Variants in PATJ observed in about 807,000 individuals in gnomAD.
PATJ encodes the protein PATJ crumbs cell polarity complex component.
PATJ carries 190 observed loss-of-function variants against 224.9 expected under a neutral mutation model. The ratio of observed to expected loss-of-function variants is 0.84; its 90% CI spans 0.75 to 0.95. PATJ has a LOEUF of 0.95. Ranked by LOEUF, PATJ falls within the 40% of genes least tolerant of loss-of-function variation. The pLI, the probability that PATJ is intolerant of heterozygous loss-of-function variation, is 0.00. For synonymous variants in PATJ, 769 were observed against 820.3 expected, an observed-to-expected ratio of 0.94 and a Z score of 1.07; for missense variants, 2,121 against 2,270.3, an observed-to-expected ratio of 0.93 and a Z score of 1.34.
intron 33 of PATJ, among the ~76,000 whole-genome samples, chr1:62,103,967 T>C (rs886661585): frequency 3.3e-5 from 5 of 152,104 alleles, no homozygotes; most frequent in African/African-American, 1.2e-4. Flanking sequence ...TCATAATCCT[T>C]TGCCTCTATA....
intron 16 of PATJ, among the ~76,000 whole-genome samples, chr1:61,828,451 T>G (rs1326841893): frequency 6.6e-6 from 1 of 151,878 alleles, no homozygotes; most frequent in Non-Finnish European, 1.5e-5. Context: ...GCACAGTGTT[T>G]TGAACATGGC....
rs112755970 is a variant in PATJ at position 62,141,077 on chromosome 1, G to T, written c.5272-7207G>T. Among the ~76,000 whole-genome samples the T allele has an allele frequency of 7.5e-3, 1,140 of 152,068 alleles. 15 individuals are homozygous for T. Among genetic ancestry groups the T allele is most frequent in the African/African-American group, 0.026 (1,066 of 41,466 alleles). ...AGAGTGAAGTACCCCCTGGTGCCAA[G>T]CACATGCCATCATGATGGTCTGCTC... On this transcript the variant is annotated intron_variant, in intron 41 of 43. Coordinates refer to ENST00000642238, the MANE Select transcript of PATJ (RefSeq NM_001350145.3).
chr1:62,053,590 A>G (rs898656596), intron 31 of PATJ, among the ~76,000 whole-genome samples: 1 of 152,084 alleles, frequency 6.6e-6, no homozygotes, highest in African/African-American at 2.4e-5. Context: ...ATGATGGCGC[A>G]TGCCTGTAAT....
intron 31 of PATJ, among the ~76,000 whole-genome samples, chr1:62,067,570 A>T (rs1010079616): frequency 6.6e-6 from 1 of 152,212 alleles, no homozygotes; most frequent in Non-Finnish European, 1.5e-5. Context: ...TCCCAGAGTT[A>T]CTATGGCCTA....
intron 22 of PATJ, among the ~76,000 whole-genome samples, chr1:61,890,511 CTTT>C (rs1316028427): frequency 1.3e-5 from 2 of 151,806 alleles, no homozygotes; most frequent in Admixed American, 1.3e-4. Flanking sequence ...CCTTCTTCTT[CTTT>C]GAGACAAGTT....
intron 43 of PATJ, among the ~76,000 whole-genome samples, chr1:62,157,101 A>T (rs553792315): frequency 1.7e-4 from 26 of 152,254 alleles, no homozygotes; most frequent in Admixed American, 6.5e-4. Context: ...AGGCAGGCAG[A>T]TCACGTGAGG....
At chr1:61,843,893 G>T (rs1468692678) in intron 17 of PATJ, among the ~76,000 whole-genome samples, 1 of 148,762 alleles carries the variant, frequency 6.7e-6, no homozygotes, top group African/African-American at 2.4e-5. Context: ...AAAGATACGA[G>T]CCAGTATGGA....
intron 27 of PATJ, among the ~76,000 whole-genome samples, chr1:61,975,692 T>G (rs979541620): frequency 6.6e-6 from 1 of 152,038 alleles, no homozygotes; most frequent in Admixed American, 6.5e-5. Flanking sequence ...AGCATTTCAG[T>G]ATCTCTGCCT....
intron 20 of PATJ, among the ~76,000 whole-genome samples, chr1:61,874,631 C>T (rs1557800118): frequency 2.0e-5 from 3 of 152,146 alleles, no homozygotes; most frequent in East Asian, 1.9e-4. Context: ...TATGAATTTG[C>T]AGGGTCAGGG....
chr1:61,990,007 C>T (rs887809784), intron 27 of PATJ, among the ~76,000 whole-genome samples, 161 bp from the exon 28 acceptor site: 1 of 151,974 alleles, frequency 6.6e-6, no homozygotes, highest in Non-Finnish European at 1.5e-5. Flanking sequence ...TGTGAATAGC[C>T]ACTGCAGCAC....
intron 31 of PATJ, among the ~76,000 whole-genome samples, chr1:62,051,546 T>A (rs1182114214): frequency 6.6e-6 from 1 of 152,162 alleles, no homozygotes; most frequent in African/African-American, 2.4e-5. Context: ...AGGCTGGTCT[T>A]GAACTCCTGA....
At chr1:62,007,415 AG>A (rs1646157202) in intron 28 of PATJ, among the ~76,000 whole-genome samples, 1 of 152,268 alleles carries the variant, frequency 6.6e-6, no homozygotes, top group African/African-American at 2.4e-5. Context: ...TCCTTTGGAC[AG>A]AAAGCTTTTT....
chr1:61,799,747 T>A (rs1231453508), intron 11 of PATJ, among the ~76,000 whole-genome samples: 1 of 152,182 alleles, frequency 6.6e-6, no homozygotes, highest in Non-Finnish European at 1.5e-5. Context: ...GTGTTTATTA[T>A]CTTCTTCTGC....
chr1:61,993,982 T>G (rs1569789449), intron 28 of PATJ, among the ~76,000 whole-genome samples: 1 of 152,154 alleles, frequency 6.6e-6, no homozygotes, highest in South Asian at 2.1e-4. Flanking sequence ...CATTCAGAGA[T>G]GGAATGAGCA....
chr1:62,013,421 C>G, intron 28 of PATJ: 1 of 985,258 alleles, frequency 1.0e-6, no homozygotes, highest in Non-Finnish European at 1.2e-6. Context: ...AGGACTGCAA[C>G]TCAGCACATC....
Position 61,766,542 on chromosome 1 carries a change from A to T in PATJ, c.384+69A>T, listed in dbSNP as rs141482435. The T allele has an allele frequency of 1.5e-5, 16 of 1,065,258 alleles. No homozygotes were observed. In the African/African-American group the frequency reaches 2.4e-4, roughly 16 times the overall value. The allele number at this position is 1,065,258 out of a possible 1,614,324, so 66.0% of individuals were successfully genotyped here. A position where few individuals can be genotyped will look rare whatever the true frequency, so the allele number is the denominator to read the frequency against. On this transcript the variant is annotated intron_variant, in intron 4 of 43. Coordinates refer to ENST00000642238, the MANE Select transcript of PATJ (RefSeq NM_001350145.3). ...CTGTTTTAGTTTTACAAAGGAGCTT[A>T]TACTCATTCTTTTTGCTGTAAAATG... is the stretch of plus-strand genomic sequence containing the variant.
In PATJ at chr1:62,017,960, G is replaced by T. The variant is rs747742170; in HGVS notation, c.3959+13G>T. 8 of 1,535,142 alleles carry T rather than the reference G, an allele frequency of 5.2e-6. No homozygotes were observed. In the South Asian group the frequency reaches 5.6e-5, roughly 11 times the overall value. The stretch of plus-strand genomic sequence containing the variant: ...TGGTTTTCATCAGGTAAGATTGCTA[G>T]ATCTGGTTTTGCAAAATCAAAGACC... On this transcript the variant is annotated intron_variant, in intron 29 of 43. Transcript: ENST00000642238.
intron 33 of PATJ, among the ~76,000 whole-genome samples, chr1:62,092,778 G>C (rs1216339475): frequency 6.8e-6 from 1 of 147,986 alleles, no homozygotes; most frequent in Non-Finnish European, 1.5e-5. Context: ...GTCTCGCTCT[G>C]TCACCCAGGC....
At chr1:62,032,304 C>T (rs1018640928) in intron 29 of PATJ, among the ~76,000 whole-genome samples, 1 of 139,306 alleles carries the variant, frequency 7.2e-6, no homozygotes, top group Non-Finnish European at 1.6e-5. Context: ...TGCTTCCAAT[C>T]TCTGACTTCC....
Sources: allele counts gnomAD v4.1 joint callset (sites outside exome capture counted in the v4.1 genomes callset), GRCh38; gene constraint gnomAD v4.1.1; transcripts MANE v1.5; gene names NCBI Gene and HGNC (gene_info 2026-07-23, HGNC 2026-07-21).